Variants in IGHMBP2 observed in about 807,000 individuals in gnomAD.
IGHMBP2 encodes DNA-binding protein SMUBP-2.
Under a neutral mutation model 96.0 loss-of-function variants are expected in IGHMBP2, and 81 were observed. The observed-to-expected ratio is 0.84, with a 90% CI of 0.71 to 1.01. The LOEUF (loss-of-function observed/expected upper bound fraction) is 1.01. Among genes scored for constraint, IGHMBP2 ranks in the 50% least tolerant of loss-of-function variants. The pLI, the probability that IGHMBP2 is intolerant of heterozygous loss-of-function variation, is 0.00. For synonymous variants in IGHMBP2, 557 were observed against 548.9 expected, an observed-to-expected ratio of 1.01 and a Z score of -0.21; for missense variants, 1,227 against 1,306.3, an observed-to-expected ratio of 0.94 and a Z score of 0.94.
chr11:68,908,500 C>T (rs766187002), intron 3 of IGHMBP2, 34 bp from the exon 4 acceptor site: 2 of 1,550,990 alleles, frequency 1.3e-6, no homozygotes, highest in South Asian at 2.2e-5. Flanking sequence ...CACTGAATTG[C>T]AGGTGTTCTA....
chr11:68,929,070 G>A (rs1859172424), intron 7 of IGHMBP2, 113 bp from the exon 8 acceptor site: 2 of 967,534 alleles, frequency 2.1e-6, no homozygotes, highest in African/African-American at 1.6e-5. Context: ...ATCCCACACA[G>A]TTGCAATGCA....
In IGHMBP2 at chr11:68,912,309, T is replaced by G. The variant is rs192787889; in HGVS notation, c.711+706T>G. ...ACCATGCCTGGCTAATTTTTGTATT[T>G]TTAGTAGAGATGGAGTTTCACCACA... On this transcript the variant is annotated intron_variant, in intron 5 of 14. Coordinates refer to ENST00000255078, the MANE Select transcript of IGHMBP2 (RefSeq NM_002180.3). 2.2e-4 allele frequency among the ~76,000 whole-genome samples: 34 copies of G among 152,044 alleles called. No homozygotes were observed. The East Asian group carries it at 4.5e-3, about 20-fold the overall frequency.
intron 7 of IGHMBP2, among the ~76,000 whole-genome samples, chr11:68,923,035 T>A (rs1858936233): frequency 6.6e-6 from 1 of 152,204 alleles, no homozygotes; most frequent in Non-Finnish European, 1.5e-5. Context: ...CTCTATCACC[T>A]GTGTCATTTT....
Position 68,936,732 on chromosome 11 carries a change from A to G in IGHMBP2, c.2252A>G (p.Asn751Ser). The change falls in exon 13 of 15, where the codon AAT (asparagine) becomes AGT (serine). Residue 751 changes from asparagine (N) to serine (S), a missense_variant. Coordinates refer to ENST00000255078, the MANE Select transcript of IGHMBP2 (RefSeq NM_002180.3). ...KMQLEFPPSL[N>S]SHDRLRVHQI... ...CAGTTGGAGTTTCCTCCTTCCCTCAATTCCCACGACAGGCTGCGGGTCCAC... is the reference window on the plus strand; with the variant it reads ...CAGTTGGAGTTTCCTCCTTCCCTCAGTTCCCACGACAGGCTGCGGGTCCAC... 1 of 1,614,048 alleles carries G rather than the reference A, an allele frequency of 6.2e-7. No homozygotes were observed. Among genetic ancestry groups the G allele is most frequent in the Non-Finnish European group, 8.5e-7 (1 of 1,180,036 alleles).
intron 8 of IGHMBP2, among the ~76,000 whole-genome samples, 159 bp downstream of exon 8, chr11:68,929,516 C>T (rs947279947): frequency 2.6e-5 from 4 of 152,228 alleles, no homozygotes; most frequent in East Asian, 1.9e-4. Flanking sequence ...TTCATCTCAA[C>T]GTCGCATCTG....
intron 6 of IGHMBP2, among the ~76,000 whole-genome samples, chr11:68,917,259 G>A (rs1858709657): frequency 6.6e-6 from 1 of 152,138 alleles, no homozygotes; most frequent in East Asian, 1.9e-4. Flanking sequence ...TTACAGGCAT[G>A]AGCCACCGCG....
intron 7 of IGHMBP2, among the ~76,000 whole-genome samples, chr11:68,921,185 C>CT (rs11392795): frequency 0.98 from 144,969 of 147,420 alleles, 71,276 homozygotes; most frequent in East Asian, 1. Context: ...TTGAACATTT[C>CT]TTTTTTTTTT....
rs543782298 is a variant in IGHMBP2 at position 68,911,344 on chromosome 11, G to T, written c.548-96G>T. On this transcript the variant is annotated intron_variant, in intron 4 of 14. Transcript: ENST00000255078. ...GGGGAGGTCCGGCGTGTTCCTGACAGGCATCACTCATCCCCCGGGGCACAC... is the reference window on the plus strand; with the variant it reads ...GGGGAGGTCCGGCGTGTTCCTGACATGCATCACTCATCCCCCGGGGCACAC... 3.4e-5 allele frequency: 43 copies of T among 1,259,076 alleles called. No individual in the cohort carries two copies. In the African/African-American group the frequency reaches 6.2e-4, roughly 18 times the overall value. 78.0% of individuals were successfully genotyped at this position (1,259,076 alleles called of 1,614,324 possible). A position where few individuals can be genotyped will look rare whatever the true frequency, so the allele number is the denominator to read the frequency against.
In IGHMBP2 at chr11:68,933,289, C is replaced by T. The variant is rs778515935; in HGVS notation, c.1236-10C>T. ...GGCCTGCCTTCCCCCTTTCTCCCTC[C>T]TGGGCGCAGGGCTGCGCTGGCAGGA... is the stretch of plus-strand genomic sequence containing the variant. On this transcript the variant is annotated splice_polypyrimidine_tract_variant and intron_variant, in intron 8 of 14. Transcript: ENST00000255078. 89 of 1,610,234 alleles carry T rather than the reference C, an allele frequency of 5.5e-5. No homozygotes were observed. The Middle Eastern group carries it at 8.3e-4, about 15-fold the overall frequency.
At chr11:68,930,395 A>C in intron 8 of IGHMBP2, 2 of 1,289,800 alleles carry the variant, frequency 1.6e-6, no homozygotes, top group Non-Finnish European at 2.0e-6. Flanking sequence ...TGTCGAGTAG[A>C]ATCTCATCAC....
chr11:68,940,052 C>T lies in IGHMBP2; in HGVS notation c.*321C>T, dbSNP rs2154009361. On this transcript the variant is annotated 3_prime_UTR_variant, in exon 15 of 15. Coordinates refer to ENST00000255078, the MANE Select transcript of IGHMBP2 (RefSeq NM_002180.3). ...GGAAGGTTCCAGTCCCTGGAGAATACCCAGGGCCTCAAACTTGAAGTCACT... is the reference window on the plus strand; with the variant it reads ...GGAAGGTTCCAGTCCCTGGAGAATATCCAGGGCCTCAAACTTGAAGTCACT... The T allele has an allele frequency of 2.7e-6, 1 of 372,060 alleles. No individual in the cohort carries two copies. The highest frequency in any genetic ancestry group is 5.3e-5 in the East Asian group (1 of 18,898). 23.0% of individuals were successfully genotyped at this position (372,060 alleles called of 1,614,324 possible).
chr11:68,939,355 G>A (rs912625737), intron 14 of IGHMBP2, among the ~76,000 whole-genome samples, 179 bp from the exon 15 acceptor site: 11 of 152,184 alleles, frequency 7.2e-5, no homozygotes, highest in Non-Finnish European at 1.6e-4. Context: ...CCACACCAGG[G>A]TGCAGACCAC....
intron 5 of IGHMBP2, among the ~76,000 whole-genome samples, chr11:68,913,553 C>T (rs897003243): frequency 6.6e-5 from 10 of 152,016 alleles, no homozygotes; most frequent in Middle Eastern, 3.2e-3. Context: ...CTCCTGACCT[C>T]GCACCTTGGC....
intron 4 of IGHMBP2, among the ~76,000 whole-genome samples, chr11:68,909,184 G>A (rs1214969415): frequency 3.3e-5 from 3 of 90,838 alleles, no homozygotes; most frequent in Admixed American, 1.1e-4. Flanking sequence ...GGCGGGGGGG[G>A]TGGAGGGGGG....
rs761355302 is a variant in IGHMBP2 at position 68,917,782 on chromosome 11, G to A, written c.959G>A (p.Arg320Gln). 5.6e-6 allele frequency: 9 copies of A among 1,613,116 alleles called. No homozygotes were observed. The highest frequency in any genetic ancestry group is 1.7e-5 in the Admixed American group (1 of 59,988). ...TQDKREKSNFRNEIKLLRKEL... is the reference protein window; with the variant it reads ...TQDKREKSNFQNEIKLLRKEL... ...GATAAGAGAGAGAAAAGTAATTTTC[G>A]AAATGAAATTAAGCTGTTAAGAAAA... is the stretch of plus-strand genomic sequence containing the variant. Residue 320 changes from arginine (R) to glutamine (Q), a missense_variant, in exon 7 of 15, where the codon CGA becomes CAA. Coordinates refer to ENST00000255078, the MANE Select transcript of IGHMBP2 (RefSeq NM_002180.3).
chr11:68,936,426 A>G lies in IGHMBP2; in HGVS notation c.1946A>G (p.Glu649Gly). 2.5e-6 allele frequency: 4 copies of G among 1,614,146 alleles called. No individual in the cohort carries two copies. Among genetic ancestry groups the G allele is most frequent in the African/African-American group, 1.3e-5 (1 of 75,044 alleles). Residue 649 changes from glutamate to glycine, a missense_variant, in exon 13 of 15, where the codon GAA becomes GGA. Coordinates refer to ENST00000255078, the MANE Select transcript of IGHMBP2 (RefSeq NM_002180.3). ...GAGTATCTTGACGATATTGTCCCAGAAAACTATTCCCATGAGAACTCCCAG... is the reference window on the plus strand; with the variant it reads ...GAGTATCTTGACGATATTGTCCCAGGAAACTATTCCCATGAGAACTCCCAG... Reference protein sequence around the residue: ...AFEYLDDIVPENYSHENSQGS... With the variant: ...AFEYLDDIVPGNYSHENSQGS...
At chr11:68,933,106 GGGCCTTGGCGATTGGAT>G in intron 8 of IGHMBP2, 176 bp from the exon 9 acceptor site, 1 of 617,386 alleles carries the variant, frequency 1.6e-6, no homozygotes, top group South Asian at 1.8e-5. Context: ...GAACATTCAC[GGGCCTTGGCGATTGGAT>G]GTAGGTGCCT....
intron 12 of IGHMBP2, 148 bp downstream of exon 12, chr11:68,935,570 C>A: frequency 1.2e-5 from 11 of 947,804 alleles, no homozygotes; most frequent in East Asian, 5.3e-5. Flanking sequence ...TCACGTCAGG[C>A]AAAGCACAGG....
rs750539690 is a variant in IGHMBP2, at chr11:68,908,566, G to T, written c.482G>T (p.Gly161Val). Residue 161 changes from glycine (G) to valine (V), a missense_variant, in exon 4 of 15, where the codon GGC becomes GTC. Around this residue, in one of 3 missense-constraint regions of IGHMBP2, gnomAD observed 507 missense variants for 496.9 expected, o/e 1.02. Coordinates refer to ENST00000255078, the MANE Select transcript of IGHMBP2 (RefSeq NM_002180.3). ...ATTGCTCTAAAGAAGTATCATTCTGGCCCAGCCTCCTCACTCATAGAAGTG... is the reference window on the plus strand; with the variant it reads ...ATTGCTCTAAAGAAGTATCATTCTGTCCCAGCCTCCTCACTCATAGAAGTG... ...ALIALKKYHS[G>V]PASSLIEVLF... 2.5e-6 allele frequency: 4 copies of T among 1,613,856 alleles called. No individual in the cohort carries two copies. The highest frequency in any genetic ancestry group is 4.5e-5 in the East Asian group (2 of 44,886).
Sources: allele counts gnomAD v4.1 joint callset (sites outside exome capture counted in the v4.1 genomes callset), GRCh38; gene constraint gnomAD v4.1.1; regional missense constraint gnomAD v4.1.1; transcripts MANE v1.5; gene names NCBI Gene and HGNC (gene_info 2026-07-23, HGNC 2026-07-21).